The following LRFN5 variants were observed in gnomAD, a reference collection of about 807,000 sequenced individuals.
LRFN5 encodes the protein leucine rich repeat and fibronectin type III domain containing 5.
LRFN5 carries 24 observed loss-of-function variants against 45.6 expected under a neutral mutation model. The observed-to-expected ratio is 0.53, with a 90% confidence interval of 0.38 to 0.74. The LOEUF (loss-of-function observed/expected upper bound fraction) is 0.74, where lower values mean the gene tolerates loss of function less well. LRFN5 is among the 30% of genes least tolerant of loss of function. The pLI, the probability that LRFN5 is intolerant of heterozygous loss-of-function variation, is 0.00. For missense variants in LRFN5, 776 were observed against 861.5 expected (o/e 0.90, Z 1.24); for synonymous variants, 340 against 313.8 (o/e 1.08, Z -0.88).
chr14:41,871,698 T>C (rs931395405), intron 2 of LRFN5, among the ~76,000 whole-genome samples: 4 of 152,108 alleles, frequency 2.6e-5, no homozygotes, highest in Admixed American at 2.6e-4. Flanking sequence ...TCCTCCAAGG[T>C]TTTCTACTCA....
chr14:41,903,877 T>C (rs1459362530), intron 5 of LRFN5, among the ~76,000 whole-genome samples: 1 of 152,050 alleles, frequency 6.6e-6, no homozygotes, highest in Admixed American at 6.6e-5. Flanking sequence ...CAATGTAGCT[T>C]TGACTTTACA....
chr14:41,730,548 G>T (rs1280965383), intron 1 of LRFN5, among the ~76,000 whole-genome samples: 1 of 151,862 alleles, frequency 6.6e-6, no homozygotes, highest in Non-Finnish European at 1.5e-5. Context: ...TGTAGTTTGA[G>T]TGTGAACTTG....
rs1329399765 is a variant in LRFN5, at chr14:41,904,143, T to G, written c.2143-15T>G. On this transcript the variant is annotated splice_polypyrimidine_tract_variant and intron_variant, in intron 5 of 5. Coordinates refer to ENST00000298119, the MANE Select transcript of LRFN5 (RefSeq NM_152447.5). ...TTTCTTTCTTTTTTTCCTTTTTCTTTTTCTTTCATTTCAGAGGCTGGAGTT... is the reference window on the plus strand; with the variant it reads ...TTTCTTTCTTTTTTTCCTTTTTCTTGTTCTTTCATTTCAGAGGCTGGAGTT... 1 of 1,594,676 alleles carries G rather than the reference T, an allele frequency of 6.3e-7. No individual in the cohort carries two copies. The highest frequency in any genetic ancestry group is 2.2e-5 in the East Asian group (1 of 44,710).
chr14:41,631,895 G>T (rs1420482758), intron 1 of LRFN5, among the ~76,000 whole-genome samples: 1 of 152,150 alleles, frequency 6.6e-6, no homozygotes, highest in Non-Finnish European at 1.5e-5. Context: ...AAGGACTTTG[G>T]TTTTCATTAT....
chr14:41,823,296 C>T (rs117807250), intron 2 of LRFN5, among the ~76,000 whole-genome samples: 4 of 151,896 alleles, frequency 2.6e-5, no homozygotes, highest in South Asian at 2.1e-4. Context: ...CATGTTTAGA[C>T]GTCCTTTGAT....
chr14:41,711,643 G>A (rs2138747876), intron 1 of LRFN5, among the ~76,000 whole-genome samples: 2 of 152,212 alleles, frequency 1.3e-5, no homozygotes, highest in East Asian at 3.9e-4. Context: ...GTGTTTAATG[G>A]ATAGCTTGCA....
At chr14:41,879,384 A>G (rs1890295639) in intron 2 of LRFN5, among the ~76,000 whole-genome samples, 1 of 151,916 alleles carries the variant, frequency 6.6e-6, no homozygotes, top group African/African-American at 2.4e-5. Context: ...CCTACTCACA[A>G]TTACTAAAAA....
intron 1 of LRFN5, among the ~76,000 whole-genome samples, chr14:41,667,851 T>C (rs993887145): frequency 1.3e-5 from 2 of 152,144 alleles, no homozygotes; most frequent in Non-Finnish European, 2.9e-5. Flanking sequence ...TTTATACCTA[T>C]TTATAATTAG....
chr14:41,805,660 C>T (rs72668858), intron 2 of LRFN5, among the ~76,000 whole-genome samples: 3,866 of 150,088 alleles, frequency 0.026, 67 homozygotes, highest in Non-Finnish European at 0.037. Context: ...ATGATGAGTT[C>T]ATGTCCTTTG....
chr14:41,647,424 A>C (rs976551793), intron 1 of LRFN5, among the ~76,000 whole-genome samples: 6 of 152,160 alleles, frequency 3.9e-5, no homozygotes, highest in African/African-American at 1.4e-4. Context: ...ATGGCTAGTA[A>C]AATCAGATGG....
chr14:41,712,875 C>T (rs901650152), intron 1 of LRFN5, among the ~76,000 whole-genome samples: 2 of 151,772 alleles, frequency 1.3e-5, no homozygotes, highest in Non-Finnish European at 2.9e-5. Context: ...TAATCTGGTA[C>T]AATGTATAGA....
At chr14:41,709,317 C>G (rs1883192140) in intron 1 of LRFN5, among the ~76,000 whole-genome samples, 1 of 151,958 alleles carries the variant, frequency 6.6e-6, no homozygotes, top group South Asian at 2.1e-4. Flanking sequence ...GAGTGGAACT[C>G]AGAAGACTTC....
intron 2 of LRFN5, among the ~76,000 whole-genome samples, chr14:41,796,055 GTAGT>G (rs1887117105): frequency 6.6e-6 from 1 of 151,754 alleles, no homozygotes; most frequent in Admixed American, 6.6e-5. Context: ...AATTAATTTA[GTAGT>G]TACTTTCTAA....
intron 1 of LRFN5, among the ~76,000 whole-genome samples, chr14:41,761,093 A>G (rs1175134360): frequency 6.6e-6 from 1 of 152,128 alleles, no homozygotes; most frequent in Non-Finnish European, 1.5e-5. Context: ...ATTTTTTTTC[A>G]GGTTATGGTA....
chr14:41,787,230 T>G (rs1886754532), intron 2 of LRFN5, among the ~76,000 whole-genome samples: 1 of 150,082 alleles, frequency 6.7e-6, no homozygotes, highest in East Asian at 1.9e-4. Context: ...GTTGTTGGAT[T>G]CAGGGTGACC....
intron 1 of LRFN5, among the ~76,000 whole-genome samples, chr14:41,636,386 A>G (rs1879308751): frequency 6.6e-6 from 1 of 152,130 alleles, no homozygotes; most frequent in Non-Finnish European, 1.5e-5. Flanking sequence ...GAGGTGAATA[A>G]TGAACTTTCT....
chr14:41,829,548 A>G (rs993842005), intron 2 of LRFN5, among the ~76,000 whole-genome samples: 1 of 151,942 alleles, frequency 6.6e-6, no homozygotes, highest in African/African-American at 2.4e-5. Context: ...ATCCAGGTCT[A>G]TTAATGGTTG....
chr14:41,770,519 T>C (rs1347726397), intron 2 of LRFN5, among the ~76,000 whole-genome samples: 1 of 152,004 alleles, frequency 6.6e-6, no homozygotes, highest in African/African-American at 2.4e-5. Flanking sequence ...AAGGGAGAAA[T>C]TGGCAAAAAG....
At chr14:41,794,168 C>T (rs1315221752) in intron 2 of LRFN5, among the ~76,000 whole-genome samples, 1 of 151,990 alleles carries the variant, frequency 6.6e-6, no homozygotes, top group East Asian at 1.9e-4. Context: ...TTACTGTTTA[C>T]ATTCTAGGAT....
Sources: gnomAD v4.1 joint callset for allele counts (sites outside exome capture counted in the v4.1 genomes callset) on GRCh38, gnomAD v4.1.1 for gene constraint, MANE v1.5 for transcripts, NCBI Gene and HGNC (gene_info 2026-07-23, HGNC 2026-07-21) for gene names.